Variants in CNTN4 observed in about 807,000 individuals in gnomAD.
CNTN4 encodes contactin 4.
Under a neutral mutation model 122.5 loss-of-function variants are expected in CNTN4, and 77 were observed. That is an observed-to-expected ratio of 0.63 (90% confidence interval 0.52 to 0.76). CNTN4 has a LOEUF of 0.76. Among genes scored for constraint, CNTN4 ranks in the 30% least tolerant of loss-of-function variants. The pLI, the probability that CNTN4 is intolerant of heterozygous loss-of-function variation, is 0.00. For missense variants in CNTN4, 1,256 were observed against 1,259.1 expected, an observed-to-expected ratio of 1.00 and a Z score of 0.04; for synonymous variants, 512 against 447.0, an observed-to-expected ratio of 1.15 and a Z score of -1.83.
At chr3:2,482,880 G>T (rs1222721657) in intron 3 of CNTN4, among the ~76,000 whole-genome samples, 1 of 152,226 alleles carries the variant, frequency 6.6e-6, no homozygotes, top group Non-Finnish European at 1.5e-5. Flanking sequence ...CAGGGACAAA[G>T]CCCTCATGGA....
At chr3:2,322,860 A>T (rs2043317849) in intron 2 of CNTN4, among the ~76,000 whole-genome samples, 1 of 152,116 alleles carries the variant, frequency 6.6e-6, no homozygotes. Flanking sequence ...ATAGAGGAAA[A>T]GTTGCTCTTT....
rs370134528 is a variant in CNTN4, at chr3:2,977,664, C to G, written c.1359-10681C>G. 1.7e-3 allele frequency among the ~76,000 whole-genome samples: 264 copies of G among 152,336 alleles called. No homozygotes were observed. In the Middle Eastern group the frequency reaches 0.02, roughly 12 times the overall value. ...GAACCCCTCCTGCGTATCACTTCCTCTGCCCCTCGTCTAAGGGCTTCAAAC... is the reference window on the plus strand; with the variant it reads ...GAACCCCTCCTGCGTATCACTTCCTGTGCCCCTCGTCTAAGGGCTTCAAAC... On this transcript the variant is annotated intron_variant, in intron 13 of 24. Transcript: ENST00000418658.
chr3:2,198,231 A>G (rs1417258435), intron 2 of CNTN4, among the ~76,000 whole-genome samples: 4 of 152,208 alleles, frequency 2.6e-5, no homozygotes, highest in African/African-American at 9.7e-5. Context: ...GTCTTTTCCT[A>G]TTAACTTGGT....
At chr3:2,368,644 G>T (rs1023661312) in intron 3 of CNTN4, among the ~76,000 whole-genome samples, 1 of 150,460 alleles carries the variant, frequency 6.6e-6, no homozygotes, top group African/African-American at 2.5e-5. Context: ...TGAATAAACC[G>T]TACCCTTCAC....
chr3:2,352,993 AG>A (rs1235902148), intron 3 of CNTN4, among the ~76,000 whole-genome samples: 2 of 152,064 alleles, frequency 1.3e-5, no homozygotes, highest in Non-Finnish European at 2.9e-5. Context: ...GTCTAGCTAA[AG>A]GATTGTGAAT....
intron 3 of CNTN4, among the ~76,000 whole-genome samples, chr3:2,388,782 T>C (rs983353483): frequency 6.7e-6 from 1 of 149,836 alleles, no homozygotes; most frequent in Non-Finnish European, 1.5e-5. Context: ...GAGGTAGAGG[T>C]TGCAGTGAAC....
chr3:2,556,847 G>T (rs1374301588), intron 3 of CNTN4, among the ~76,000 whole-genome samples: 2 of 152,066 alleles, frequency 1.3e-5, no homozygotes, highest in African/African-American at 4.8e-5. Context: ...TGGCTGCTAT[G>T]GTTGTTGGTG....
chr3:2,218,436 C>T (rs933066787), intron 2 of CNTN4, among the ~76,000 whole-genome samples: 7 of 152,256 alleles, frequency 4.6e-5, no homozygotes, highest in African/African-American at 1.7e-4. Flanking sequence ...AAGAGGATCC[C>T]TCGAGCCTGG....
At chr3:2,865,041 C>G (rs949022809) in intron 7 of CNTN4, among the ~76,000 whole-genome samples, 1 of 152,118 alleles carries the variant, frequency 6.6e-6, no homozygotes, top group African/African-American at 2.4e-5. Context: ...TACTTCTTCA[C>G]AATGTATTAT....
At position 2,821,732 on chromosome 3, in the gene CNTN4, A is replaced by T. The variant is rs115148733; in HGVS notation, c.454+2151A>T. Among the ~76,000 whole-genome samples the T allele has an allele frequency of 2.7e-3, 416 of 152,296 alleles. 6 individuals carry two copies. Among genetic ancestry groups the T allele is most frequent in the African/African-American group, 9.5e-3 (395 of 41,554 alleles). On this transcript the variant is annotated intron_variant, in intron 7 of 24. Coordinates refer to ENST00000418658, the MANE Select transcript of CNTN4 (RefSeq NM_175607.3). ...TAGTGTGGAGGTTTAATAAGTAGTA[A>T]TATTTATTAGGATTCCACTAAGGTC...
In CNTN4 at chr3:2,333,134, A is replaced by G. The variant is rs146926704; in HGVS notation, c.-144-6044A>G. Among the ~76,000 whole-genome samples the G allele has an allele frequency of 2.0e-3, 301 of 152,256 alleles. 2 individuals carry two copies. The highest frequency in any genetic ancestry group is 6.4e-3 in the African/African-American group (268 of 41,552). On this transcript the variant is annotated intron_variant, in intron 2 of 24. Coordinates refer to ENST00000418658, the MANE Select transcript of CNTN4 (RefSeq NM_175607.3). ...AGAATCTCAAGTTTCTGGCCTTACA[A>G]CTGATGAGCAGCATAAGCCATTCCC...
At chr3:2,873,405 TTCAG>T (rs1431295582) in intron 8 of CNTN4, among the ~76,000 whole-genome samples, 4 of 152,200 alleles carry the variant, frequency 2.6e-5, no homozygotes, top group Non-Finnish European at 5.9e-5. Flanking sequence ...ACTAGGTGCA[TTCAG>T]TCTTTCAGGC....
At chr3:2,394,258 G>C (rs1234675821) in intron 3 of CNTN4, among the ~76,000 whole-genome samples, 2 of 152,126 alleles carry the variant, frequency 1.3e-5, no homozygotes, top group African/African-American at 4.8e-5. Context: ...GCAGATTCTA[G>C]GGTTTCCATG....
chr3:3,003,862 A>G (rs538648465), intron 14 of CNTN4, among the ~76,000 whole-genome samples: 58 of 152,036 alleles, frequency 3.8e-4, no homozygotes, highest in African/African-American at 1.3e-3. Context: ...CAATCCTTCC[A>G]CCTCAGCCCA....
intron 3 of CNTN4, among the ~76,000 whole-genome samples, chr3:2,529,676 T>G (rs1016923716): frequency 6.7e-6 from 1 of 149,352 alleles, no homozygotes; most frequent in Non-Finnish European, 1.5e-5. Flanking sequence ...CACAGGTAGG[T>G]TGATCTTTGC....
chr3:2,177,243 A>G (rs575216409), intron 2 of CNTN4, among the ~76,000 whole-genome samples: 1 of 152,282 alleles, frequency 6.6e-6, no homozygotes, highest in Non-Finnish European at 1.5e-5. Flanking sequence ...TTATCACTGT[A>G]TCATTTTATT....
chr3:2,319,019 C>T (rs1422150408), intron 2 of CNTN4, among the ~76,000 whole-genome samples: 1 of 152,126 alleles, frequency 6.6e-6, no homozygotes, highest in African/African-American at 2.4e-5. Flanking sequence ...AACTAATTCC[C>T]TCTTCTAATA....
At chr3:2,670,554 C>T (rs2084445326) in intron 4 of CNTN4, among the ~76,000 whole-genome samples, 1 of 146,028 alleles carries the variant, frequency 6.8e-6, no homozygotes. Context: ...TCCAATTTGC[C>T]AGTCTGTGTC....
chr3:2,724,331 C>A (rs2088064367), intron 4 of CNTN4, among the ~76,000 whole-genome samples: 2 of 152,128 alleles, frequency 1.3e-5, no homozygotes, highest in South Asian at 4.1e-4. Flanking sequence ...CCTTACCTGC[C>A]ATAAACTTTA....
Sources: gnomAD v4.1 joint callset for allele counts (sites outside exome capture counted in the v4.1 genomes callset) on GRCh38, gnomAD v4.1.1 for gene constraint, MANE v1.5 for transcripts, NCBI Gene and HGNC (gene_info 2026-07-23, HGNC 2026-07-21) for gene names.